Variants in KCTD1 observed in about 807,000 individuals in gnomAD.
KCTD1 encodes potassium channel tetramerization domain containing 1, also known as BTB/POZ domain-containing protein KCTD1.
A neutral mutation model predicts 66.0 loss-of-function variants in KCTD1; 24 were observed. That is an observed-to-expected ratio of 0.36 (90% confidence interval 0.26 to 0.51). The LOEUF is 0.51. KCTD1 is among the 20% of genes least tolerant of loss of function. The probability of loss-of-function intolerance (pLI) is 0.95; values close to 1 mark genes in which losing one functional copy is unlikely to be tolerated. For missense variants in KCTD1, 943 were observed against 1,205.2 expected (o/e 0.78, Z 3.22); for synonymous variants, 511 against 517.2 (o/e 0.99, Z 0.16).
chr18:26,574,542 A>G (rs1297130555), intron 1 of KCTD1, among the ~76,000 whole-genome samples: 1 of 152,254 alleles, frequency 6.6e-6, no homozygotes, highest in Non-Finnish European at 1.5e-5. Context: ...GAAGGCACTC[A>G]GTACATATCT....
intron 3 of KCTD1, among the ~76,000 whole-genome samples, chr18:26,464,076 A>C (rs999646392): frequency 2.0e-5 from 3 of 152,244 alleles, no homozygotes; most frequent in African/African-American, 7.2e-5. Context: ...CGATATATTC[A>C]GTGTATTAGG....
intron 1 of KCTD1, among the ~76,000 whole-genome samples, chr18:26,648,377 G>A (rs955309455): frequency 6.6e-6 from 1 of 152,196 alleles, no homozygotes; most frequent in African/African-American, 2.4e-5. Flanking sequence ...GGGAGCATAA[G>A]CCCCATATAC....
At chr18:26,538,759 G>A (rs777847850) in intron 1 of KCTD1, among the ~76,000 whole-genome samples, 3 of 152,068 alleles carry the variant, frequency 2.0e-5, no homozygotes, top group South Asian at 2.1e-4. Flanking sequence ...CATCATTCCC[G>A]TTTGACTGAG....
chr18:26,522,937 A>ACG (rs1598915885), intron 1 of KCTD1, among the ~76,000 whole-genome samples: 2 of 151,934 alleles, frequency 1.3e-5, no homozygotes, highest in Admixed American at 1.3e-4. Flanking sequence ...CATCTCCCAC[A>ACG]GTGCCTTGTA....
chr18:26,592,546 C>G (rs1986632307), intron 1 of KCTD1, among the ~76,000 whole-genome samples: 1 of 152,174 alleles, frequency 6.6e-6, no homozygotes, highest in South Asian at 2.1e-4. Context: ...CTATTCAGCC[C>G]CGCCTAGTAA....
upstream of KCTD1, among the ~76,000 whole-genome samples, chr18:26,641,346 A>C (rs970916378): frequency 2.2e-4 from 33 of 152,278 alleles, no homozygotes; most frequent in Middle Eastern, 6.8e-3. Flanking sequence ...ATAGAGTGTA[A>C]TATTTTACTT....
intron 1 of KCTD1, among the ~76,000 whole-genome samples, chr18:26,613,897 TCACC>T (rs1159497161): frequency 6.6e-6 from 1 of 152,234 alleles, no homozygotes; most frequent in African/African-American, 2.4e-5. Context: ...TTTACATGGC[TCACC>T]CCCTCATTTC....
chr18:26,455,429 C>T lies in KCTD1; in HGVS notation c.*314G>A, dbSNP rs1242542820. ...TCATGGCTTGTTTATTTGTCAGAGG[C>T]CTCGGAAGGCCCAGGACACTTCACG... On this transcript the variant is annotated 3_prime_UTR_variant, in exon 5 of 5. Coordinates refer to ENST00000580059, the MANE Select transcript of KCTD1 (RefSeq NM_001142730.3). The T allele has an allele frequency of 1.2e-5, 2 of 166,334 alleles. No individual in the cohort carries two copies. Among genetic ancestry groups the T allele is most frequent in the Admixed American group, 6.4e-5 (1 of 15,540 alleles). The allele number at this position is 166,334 out of a possible 1,614,324, so 10.3% of individuals were successfully genotyped here.
In KCTD1 at chr18:26,476,773, G is replaced by A. The variant is rs112992105; in HGVS notation, c.1989-114C>T. The A allele has an allele frequency of 2.0e-5, 17 of 836,614 alleles. 2 individuals carry two copies. Among genetic ancestry groups the A allele is most frequent in the African/African-American group, 1.8e-4 (10 of 57,022 alleles). The allele number at this position is 836,614 out of a possible 1,614,324, so 51.8% of individuals were successfully genotyped here. The stretch of plus-strand genomic sequence containing the variant: ...TAGCACTTTTGAAGATGGCAGTAGG[G>A]AAAAATTACGATTGTCTGCAAAGTG... On this transcript the variant is annotated intron_variant, in intron 2 of 4. Coordinates refer to ENST00000580059, the MANE Select transcript of KCTD1 (RefSeq NM_001142730.3). The surrounding 1 kb of genome is among the most constrained non-coding windows in gnomAD (Gnocchi z 4.9).
At chr18:26,592,530 T>C (rs375701113) in intron 1 of KCTD1, among the ~76,000 whole-genome samples, 2 of 152,308 alleles carry the variant, frequency 1.3e-5, no homozygotes, top group South Asian at 2.1e-4. Context: ...GCATGCATAC[T>C]CACCTCTATT....
intron 2 of KCTD1, among the ~76,000 whole-genome samples, chr18:26,480,069 T>C (rs1981562085): frequency 6.8e-6 from 1 of 148,120 alleles, no homozygotes; most frequent in African/African-American, 2.4e-5. Flanking sequence ...TTTCACTCAT[T>C]GAATCAAGTG....
At chr18:26,553,104 TC>T (rs796538562), upstream of KCTD1, among the ~76,000 whole-genome samples, 18 of 151,394 alleles carry the variant, frequency 1.2e-4, no homozygotes, top group African/African-American at 4.4e-4. Context: ...GATCCTCCCA[TC>T]TCATCTTCCC....
intron 4 of KCTD1, chr18:26,457,517 T>TTGAG (rs977834871): frequency 2.6e-5 from 4 of 152,182 alleles, no homozygotes; most frequent in African/African-American, 9.7e-5. Context: ...CCATTTTTCT[T>TTGAG]TGAGTCTTAA....
chr18:26,523,434 C>T (rs1321539896), intron 1 of KCTD1, among the ~76,000 whole-genome samples: 3 of 152,112 alleles, frequency 2.0e-5, no homozygotes, highest in South Asian at 2.1e-4. Context: ...AGTCCTCCCC[C>T]GGCCACCCAA....
chr18:26,647,021 TG>T (rs1987936742), intron 1 of KCTD1, among the ~76,000 whole-genome samples: 1 of 152,210 alleles, frequency 6.6e-6, no homozygotes, highest in Admixed American at 6.5e-5. Context: ...GTGACTCCAC[TG>T]GTCTTGAACT....
upstream of KCTD1, chr18:26,548,575 C>T (rs1985395054): frequency 3.3e-6 from 4 of 1,213,236 alleles, no homozygotes; most frequent in Non-Finnish European, 4.1e-6. Context: ...AGGGCGCATG[C>T]GCTATATTGG....
chr18:26,571,312 A>G (rs968133084), intron 1 of KCTD1, among the ~76,000 whole-genome samples: 2 of 152,190 alleles, frequency 1.3e-5, no homozygotes, highest in Non-Finnish European at 2.9e-5. Flanking sequence ...AAAAACTGCC[A>G]TAGCCTTAAC....
intron 1 of KCTD1, among the ~76,000 whole-genome samples, chr18:26,611,836 T>C (rs998408196): frequency 8.5e-5 from 13 of 152,342 alleles, no homozygotes; most frequent in Non-Finnish European, 2.9e-5. Flanking sequence ...CATGTTGCTA[T>C]AAATATTTTT....
chr18:26,532,615 C>A (rs1433311908), intron 1 of KCTD1, among the ~76,000 whole-genome samples: 1 of 152,190 alleles, frequency 6.6e-6, no homozygotes, highest in Non-Finnish European at 1.5e-5. Flanking sequence ...CTCTGGGCCG[C>A]CATCTCCTCA....
Sources: gnomAD v4.1 joint callset for allele counts (sites outside exome capture counted in the v4.1 genomes callset) on GRCh38, gnomAD v4.1.1 for gene constraint, Gnocchi (gnomAD v3.1) non-coding constraint, MANE v1.5 for transcripts, NCBI Gene and HGNC (gene_info 2026-07-23, HGNC 2026-07-21) for gene names.